The following COL4A1 variants were observed in gnomAD, a reference collection of about 807,000 sequenced individuals.
The protein encoded by COL4A1 is collagen alpha-1(IV) chain.
In COL4A1, 40 loss-of-function variants were observed where a neutral mutation model predicts 216.6. That is an observed-to-expected ratio of 0.18 (90% CI 0.14 to 0.24). The LOEUF is 0.24. COL4A1 is among the 10% of genes least tolerant of loss of function. The pLI, the probability that COL4A1 is intolerant of heterozygous loss-of-function variation, is 1.00. For synonymous variants in COL4A1, 839 were observed against 810.7 expected, an observed-to-expected ratio of 1.03 and a Z score of -0.59; for missense variants, 1,628 against 2,196.8, an observed-to-expected ratio of 0.74 and a Z score of 5.18.
chr13:110,255,232 C>A (rs750532083), intron 1 of COL4A1, among the ~76,000 whole-genome samples: 1 of 152,072 alleles, frequency 6.6e-6, no homozygotes, highest in Non-Finnish European at 1.5e-5. Flanking sequence ...TTCTAGCAGG[C>A]CTTGGGTAGG....
In COL4A1 at chr13:110,186,411, C is replaced by G. The variant is rs766109406; in HGVS notation, c.1871G>C (p.Gly624Ala). 1.2e-6 allele frequency: 2 copies of G among 1,613,558 alleles called. No individual in the cohort carries two copies. ...TGGCAGGCCTGGGGATCCAGGGCCT[C>G]CAGGAAAGCCTGCTTGTCCTTTGTC... ...IGDKGQAGFP[G>A]GPGSPGLPGP... Residue 624 changes from glycine (G) to alanine (A), a missense_variant, in exon 26 of 52, where the codon GGA becomes GCA. By Grantham distance (60) the Gly-to-Ala change is moderately conservative. Transcript: ENST00000375820.
intron 22 of COL4A1, 46 bp from the exon 23 acceptor site, chr13:110,192,959 A>G (rs1878711248): frequency 1.3e-6 from 2 of 1,545,670 alleles, no homozygotes; most frequent in African/African-American, 2.7e-5. Flanking sequence ...ATGTGACCAG[A>G]AGTCTCCGCA....
chr13:110,170,851 G>A, intron 41 of COL4A1, 119 bp from the exon 42 acceptor site: 2 of 1,063,914 alleles, frequency 1.9e-6, no homozygotes, highest in South Asian at 1.3e-5. Context: ...CTCAGAGGGA[G>A]CTTCCAGGGA....
rs188147295 is a variant in COL4A1, at chr13:110,155,460, A to C, written c.4641-63T>G. 3.5e-5 allele frequency: 37 copies of C among 1,050,506 alleles called. No individual in the cohort carries two copies. The East Asian group carries it at 8.6e-4, about 24-fold the overall frequency. The allele number at this position is 1,050,506 out of a possible 1,614,324, so 65.1% of individuals were successfully genotyped here. A position where few individuals can be genotyped will look rare whatever the true frequency, so the allele number is the denominator to read the frequency against. On this transcript the variant is annotated intron_variant, in intron 49 of 51. Coordinates refer to ENST00000375820, the MANE Select transcript of COL4A1 (RefSeq NM_001845.6). The stretch of plus-strand genomic sequence containing the variant: ...GCAGGGCAGAGGCCGCCCTCCATGC[A>C]CTGCCCCGTTACCTACACTCAACAT...
At chr13:110,235,455 C>A (rs1200387476) in intron 2 of COL4A1, among the ~76,000 whole-genome samples, 1 of 151,932 alleles carries the variant, frequency 6.6e-6, no homozygotes, top group African/African-American at 2.4e-5. Context: ...TCGAGACCTT[C>A]CTGGCTAACA....
chr13:110,265,075 T>G (rs1468026061), intron 1 of COL4A1, among the ~76,000 whole-genome samples: 3 of 152,240 alleles, frequency 2.0e-5, no homozygotes, highest in Admixed American at 2.0e-4. Flanking sequence ...CGATCGGCCT[T>G]GACTGCTAGA....
intron 24 of COL4A1, 139 bp downstream of exon 24, chr13:110,192,075 C>A (rs547145188): frequency 4.7e-6 from 4 of 843,730 alleles, no homozygotes; most frequent in Non-Finnish European, 7.9e-6. Flanking sequence ...GGAGTCACTC[C>A]AGAGGGCTCG....
intron 2 of COL4A1, among the ~76,000 whole-genome samples, chr13:110,236,000 T>C (rs1881301154): frequency 6.6e-6 from 1 of 152,178 alleles, no homozygotes; most frequent in African/African-American, 2.4e-5. Flanking sequence ...AAAAAGGAAT[T>C]TCATCTAAGA....
chr13:110,168,077 T>C (rs1877427622), intron 43 of COL4A1, among the ~76,000 whole-genome samples: 1 of 152,090 alleles, frequency 6.6e-6, no homozygotes, highest in Non-Finnish European at 1.5e-5. Context: ...TGGAGTGCAG[T>C]GGCACCATCT....
At chr13:110,263,756 T>C (rs1480350069) in intron 1 of COL4A1, among the ~76,000 whole-genome samples, 3 of 152,250 alleles carry the variant, frequency 2.0e-5, no homozygotes, top group Non-Finnish European at 4.4e-5. Context: ...AATCATTAAA[T>C]GGCATATTAT....
chr13:110,180,173 G>C (rs915112939), intron 29 of COL4A1, among the ~76,000 whole-genome samples: 3 of 152,168 alleles, frequency 2.0e-5, no homozygotes, highest in Non-Finnish European at 2.9e-5. Context: ...GGGGATGCTT[G>C]AAAAAGCATG....
rs615742 is a variant in COL4A1, at chr13:110,155,127, T to C, written c.4755+156A>G. On this transcript the variant is annotated intron_variant, in intron 50 of 51. Transcript: ENST00000375820. The stretch of plus-strand genomic sequence containing the variant: ...TCACCAGGCAGGGCAGGCCAGGCTT[T>C]GAGGCATGCTTTGGAAGGGGATGGT... Among the ~76,000 whole-genome samples, 133,484 of 152,238 alleles carry C rather than the reference T, an allele frequency of 0.88. 58,546 individuals are homozygous for C. Among genetic ancestry groups the C allele is most frequent in the East Asian group, 0.95 (4,923 of 5,168 alleles).
chr13:110,169,179 T>C (rs1877486991), intron 43 of COL4A1, among the ~76,000 whole-genome samples: 1 of 152,214 alleles, frequency 6.6e-6, no homozygotes, highest in Non-Finnish European at 1.5e-5. Flanking sequence ...GGAATATTGC[T>C]GGTTATCTTT....
At chr13:110,244,818 G>A (rs1487682352) in intron 1 of COL4A1, among the ~76,000 whole-genome samples, 3 of 152,196 alleles carry the variant, frequency 2.0e-5, no homozygotes, top group East Asian at 1.9e-4. Flanking sequence ...CATCTAAGAC[G>A]ACACCAATTG....
chr13:110,236,655 TCAAA>T lies in COL4A1; in HGVS notation c.144+6016_144+6019del, dbSNP rs200314836. ...GAGACACAGTGAAGACGACCAGCCT[TCAAA>T]CAGAGGAAGGAGCTCCTTGTGGAGC... is the stretch of plus-strand genomic sequence containing the variant. On this transcript the variant is annotated intron_variant, in intron 2 of 51. Transcript: ENST00000375820. Among the ~76,000 whole-genome samples, 671 of 152,210 alleles carry T rather than the reference TCAAA, an allele frequency of 4.4e-3. 2 individuals carry two copies. The highest frequency in any genetic ancestry group is 0.015 in the African/African-American group (643 of 41,540).
At chr13:110,256,646 T>C (rs947596321) in intron 1 of COL4A1, among the ~76,000 whole-genome samples, 8 of 152,166 alleles carry the variant, frequency 5.3e-5, no homozygotes, top group Non-Finnish European at 1.0e-4. Context: ...CCCTGGTGTA[T>C]TTACAGGTGC....
chr13:110,161,140 A>G (rs1877064343), intron 49 of COL4A1, 52 bp downstream of exon 49: 9 of 1,567,088 alleles, frequency 5.7e-6, no homozygotes, highest in Non-Finnish European at 7.9e-6. Context: ...TGTCCAGACT[A>G]GAGACTTTTC....
chr13:110,174,943 TC>T (rs1877813087), intron 37 of COL4A1, among the ~76,000 whole-genome samples, 194 bp from the exon 38 acceptor site: 2 of 152,194 alleles, frequency 1.3e-5, no homozygotes, highest in African/African-American at 4.8e-5. Flanking sequence ...GAGCCAACCA[TC>T]TGGTTTCTAC....
At chr13:110,171,316 G>C (rs926769917) in intron 41 of COL4A1, among the ~76,000 whole-genome samples, 1 of 152,170 alleles carries the variant, frequency 6.6e-6, no homozygotes, top group Non-Finnish European at 1.5e-5. Context: ...AATGGGGAGA[G>C]GGCAGGAGGG....
Sources: gnomAD v4.1 joint callset for allele counts (sites outside exome capture counted in the v4.1 genomes callset) on GRCh38, gnomAD v4.1.1 for gene constraint, MANE v1.5 for transcripts, NCBI Gene and HGNC (gene_info 2026-07-23, HGNC 2026-07-21) for gene names.